ME2: variants seen among roughly 807,000 people sequenced by gnomAD.
The protein encoded by ME2 is malic enzyme 2.
A neutral mutation model predicts 73.7 loss-of-function variants in ME2; 60 were observed. The observed-to-expected ratio is 0.81, with a 90% CI of 0.66 to 1.01. The LOEUF (loss-of-function observed/expected upper bound fraction) is 1.01. ME2 is among the 50% of genes least tolerant of loss of function. The probability of loss-of-function intolerance (pLI) is 0.00; values close to 1 mark genes in which losing one functional copy is unlikely to be tolerated. For synonymous variants in ME2, 199 were observed against 236.9 expected (o/e 0.84, Z 1.47); for missense variants, 594 against 705.5 (o/e 0.84, Z 1.79).
At chr18:50,892,796 T>C (rs912110609) in intron 1 of ME2, among the ~76,000 whole-genome samples, 7 of 152,234 alleles carry the variant, frequency 4.6e-5, no homozygotes, top group Non-Finnish European at 7.4e-5. Context: ...AGAAAAACAA[T>C]TCAGTGGAGT....
Position 50,912,860 on chromosome 18 carries a change from A to G in ME2, c.302A>G (p.Gln101Arg). Residue 101 changes from glutamine (Q) to arginine (R), a missense_variant, in exon 4 of 16, where the codon CAA becomes CGA. Transcript: ENST00000321341. ...RNEKLFYRIL[Q>R]DDIESLMPIV... ...GAGAAATTGTTTTATAGAATACTGC[A>G]AGATGACATTGAGAGTTTAATGCCA... 6.2e-7 allele frequency: 1 copy of G among 1,609,100 alleles called. No individual in the cohort carries two copies. Among genetic ancestry groups the G allele is most frequent in the South Asian group, 1.1e-5 (1 of 90,634 alleles).
chr18:50,945,842 G>A (rs527597284), intron 15 of ME2, among the ~76,000 whole-genome samples: 9 of 152,210 alleles, frequency 5.9e-5, no homozygotes, highest in South Asian at 2.1e-4. Flanking sequence ...TGAGGCAGGC[G>A]GATCACCTGC....
chr18:50,894,892 AT>A (rs1415054567), intron 1 of ME2, among the ~76,000 whole-genome samples: 3 of 150,420 alleles, frequency 2.0e-5, no homozygotes, highest in African/African-American at 4.9e-5. Context: ...AAAAAAAAAA[AT>A]TTTTTTGAAA....
intron 9 of ME2, 103 bp from the exon 10 acceptor site, chr18:50,920,967 GAAAA>G: frequency 1.4e-6 from 1 of 721,216 alleles, no homozygotes; most frequent in Non-Finnish European, 2.2e-6. Context: ...ATTTGTAAGG[GAAAA>G]ATAAACCAAA....
At chr18:50,893,459 T>C (rs1444100317) in intron 1 of ME2, among the ~76,000 whole-genome samples, 2 of 152,220 alleles carry the variant, frequency 1.3e-5, no homozygotes, top group Non-Finnish European at 1.5e-5. Context: ...CAATATGTTG[T>C]GTTACCTTTC....
chr18:50,944,433 A>G (rs1460881520), intron 15 of ME2, among the ~76,000 whole-genome samples: 2 of 152,134 alleles, frequency 1.3e-5, no homozygotes, highest in Non-Finnish European at 2.9e-5. Context: ...TAGAGGAGGC[A>G]GAGCTTTGTG....
intron 13 of ME2, 190 bp from the exon 14 acceptor site, chr18:50,939,376 ATTAC>A: frequency 6.2e-6 from 3 of 483,178 alleles, no homozygotes; most frequent in Non-Finnish European, 1.1e-5. Context: ...TATTTCTGAA[ATTAC>A]TTAGCGAATA....
intron 2 of ME2, among the ~76,000 whole-genome samples, chr18:50,907,704 C>A (rs1341877849): frequency 2.0e-5 from 3 of 152,134 alleles, no homozygotes; most frequent in Non-Finnish European, 4.4e-5. Flanking sequence ...GAACTAGAAA[C>A]AATGCTACAA....
Position 50,925,737 on chromosome 18 carries a change from T to G in ME2, c.1172-19T>G. On this transcript the variant is annotated intron_variant, in intron 11 of 15. Transcript: ENST00000321341. ...ATACCTATAATGAAGTTGCTGTTTT[T>G]CCCCCTTACTTATTACAGGAGTTGC... The G allele has an allele frequency of 6.2e-7, 1 of 1,611,178 alleles. No individual in the cohort carries two copies. Among genetic ancestry groups the G allele is most frequent in the Non-Finnish European group, 8.5e-7 (1 of 1,178,260 alleles).
chr18:50,880,665 A>T (rs1599077883), intron 1 of ME2, among the ~76,000 whole-genome samples: 1 of 152,072 alleles, frequency 6.6e-6, no homozygotes, highest in Non-Finnish European at 1.5e-5. Context: ...TGATCTACCC[A>T]CCTTGACCTT....
rs777532459 is a variant in ME2 at position 50,927,183 on chromosome 18, ATTAC to A, written c.1314+1288_1314+1291del. Among the ~76,000 whole-genome samples, 16 of 152,258 alleles carry A rather than the reference ATTAC, an allele frequency of 1.1e-4. No homozygotes were observed. In the East Asian group the frequency reaches 1.7e-3, roughly 17 times the overall value. ...TAAGGATGTAGTTGTAATCTCCACA[ATTAC>A]TTTCTATATTGTTGTGGTAAGTGAT... On this transcript the variant is annotated intron_variant, in intron 12 of 15. Transcript: ENST00000321341.
intron 1 of ME2, among the ~76,000 whole-genome samples, chr18:50,879,839 C>T (rs1230451227): frequency 6.6e-6 from 1 of 152,218 alleles, no homozygotes; most frequent in Middle Eastern, 3.2e-3. Context: ...TTATTAAATG[C>T]CATCTGTGGA....
chr18:50,944,122 G>A (rs1301743013), intron 15 of ME2, among the ~76,000 whole-genome samples: 1 of 152,172 alleles, frequency 6.6e-6, no homozygotes, highest in East Asian at 1.9e-4. Flanking sequence ...GCTGGGGTGG[G>A]AGGATCACTT....
At position 50,952,531 on chromosome 18, in the gene ME2, A is replaced by T. The variant is rs1353595508; in HGVS notation, c.*5347A>T. The T allele has an allele frequency of 5.9e-5, 9 of 152,338 alleles. No homozygotes were observed. Among genetic ancestry groups the T allele is most frequent in the Non-Finnish European group, 1.0e-4 (7 of 68,020 alleles). The allele number at this position is 152,338 out of a possible 1,614,324, so 9.4% of individuals were successfully genotyped here. On this transcript the variant is annotated 3_prime_UTR_variant, in exon 16 of 16. Transcript: ENST00000321341. ...ATTTGAATGCTTAGTGTCTTTTGGT[A>T]AACAGCATTTTGTCAACAAACTTTT...
At chr18:50,912,066 G>C (rs1268755705) in intron 3 of ME2, among the ~76,000 whole-genome samples, 1 of 152,106 alleles carries the variant, frequency 6.6e-6, no homozygotes, top group Non-Finnish European at 1.5e-5. Context: ...GTGTTGGGGA[G>C]GGTAGGAGAG....
chr18:50,903,459 T>C (rs1259475088), intron 2 of ME2, among the ~76,000 whole-genome samples: 1 of 149,914 alleles, frequency 6.7e-6, no homozygotes, highest in Non-Finnish European at 1.5e-5. Flanking sequence ...CAAAGCGTAC[T>C]TTTTTTTTTG....
chr18:50,946,473 TGTCGAGAGTAAAG>T (rs538249765), intron 15 of ME2, among the ~76,000 whole-genome samples: 15 of 152,330 alleles, frequency 9.8e-5, no homozygotes, highest in Non-Finnish European at 1.9e-4. Context: ...CTGGGGTTCT[TGTCGAGAGTAAAG>T]GAGGTATCCT....
At chr18:50,908,841 A>G (rs1917079340) in intron 3 of ME2, among the ~76,000 whole-genome samples, 2 of 151,920 alleles carry the variant, frequency 1.3e-5, no homozygotes, top group South Asian at 2.1e-4. Flanking sequence ...GAGTTTCACC[A>G]TGTTGGCCAG....
intron 12 of ME2, among the ~76,000 whole-genome samples, chr18:50,929,141 C>G (rs1917632135): frequency 6.6e-6 from 1 of 151,078 alleles, no homozygotes; most frequent in African/African-American, 2.4e-5. Flanking sequence ...AATATTCATA[C>G]TTTTGATATA....
Sources: gnomAD v4.1 joint callset for allele counts (sites outside exome capture counted in the v4.1 genomes callset) on GRCh38, gnomAD v4.1.1 for gene constraint, MANE v1.5 for transcripts, NCBI Gene and HGNC (gene_info 2026-07-23, HGNC 2026-07-21) for gene names.